The following SHB variants were observed in gnomAD, a reference collection of about 807,000 sequenced individuals.
SHB encodes the protein SH2 domain-containing adapter protein B.
In SHB, 20 loss-of-function variants were observed where a neutral mutation model predicts 52.3. The observed-to-expected ratio is 0.38, with a 90% CI of 0.27 to 0.56. The LOEUF is 0.56. Among genes scored for constraint, SHB ranks in the 20% least tolerant of loss-of-function variants. SHB has a pLI of 0.71. For missense variants in SHB, 825 were observed against 723.3 expected (o/e 1.14, Z -1.61); for synonymous variants, 397 against 316.5 (o/e 1.25, Z -2.70).
chr9:37,933,757 C>G (rs923606993), intron 5 of SHB, among the ~76,000 whole-genome samples: 1 of 152,210 alleles, frequency 6.6e-6, no homozygotes, highest in Non-Finnish European at 1.5e-5. Context: ...CATTCCCCAC[C>G]AAGACAACCC....
chr9:37,998,455 T>C (rs1251765433), intron 2 of SHB, among the ~76,000 whole-genome samples: 1 of 152,116 alleles, frequency 6.6e-6, no homozygotes, highest in Non-Finnish European at 1.5e-5. Context: ...AAAATCCTAT[T>C]TTGTTTATTT....
chr9:38,063,503 G>A (rs1029652783), intron 1 of SHB, among the ~76,000 whole-genome samples: 1 of 152,196 alleles, frequency 6.6e-6, no homozygotes, highest in Admixed American at 6.5e-5. Flanking sequence ...CCACTCCCCT[G>A]CCTTGGGAAT....
intron 1 of SHB, among the ~76,000 whole-genome samples, chr9:38,037,636 G>A (rs1383478945): frequency 6.6e-6 from 1 of 152,132 alleles, no homozygotes; most frequent in Non-Finnish European, 1.5e-5. Context: ...GCAACAGGAG[G>A]GGCTCAACTG....
chr9:37,930,787 T>A (rs978478362), intron 5 of SHB, among the ~76,000 whole-genome samples: 2 of 152,074 alleles, frequency 1.3e-5, no homozygotes, highest in African/African-American at 4.8e-5. Context: ...TGAGTAACCA[T>A]AAAAGACCCT....
rs777640224 is a variant in SHB at position 37,948,767 on chromosome 9, CAG to C, written c.1227-15_1227-14del. ...TCCGTGATACCATCTGTGGAGAGGGCAGAGAGTGGTCAGAGCCCAGCGCGATG... is the reference window on the plus strand; with the variant it reads ...TCCGTGATACCATCTGTGGAGAGGGCAGAGTGGTCAGAGCCCAGCGCGATG... On this transcript the variant is annotated splice_polypyrimidine_tract_variant and intron_variant, in intron 4 of 5. Transcript: ENST00000377707. 2 of 1,613,444 alleles carry C rather than the reference CAG, an allele frequency of 1.2e-6. No individual in the cohort carries two copies. The highest frequency in any genetic ancestry group is 1.7e-6 in the Non-Finnish European group (2 of 1,179,962).
intron 3 of SHB, among the ~76,000 whole-genome samples, chr9:37,969,389 G>T (rs935258118): frequency 6.6e-6 from 1 of 152,176 alleles, no homozygotes; most frequent in Non-Finnish European, 1.5e-5. Flanking sequence ...CCTCCCAGAG[G>T]GTGATTATGA....
chr9:37,986,028 G>A lies in SHB; in HGVS notation c.839-11191C>T, dbSNP rs150880146. 5.3e-5 allele frequency among the ~76,000 whole-genome samples: 8 copies of A among 152,316 alleles called. No individual in the cohort carries two copies. The East Asian group carries it at 5.8e-4, about 11-fold the overall frequency. On this transcript the variant is annotated intron_variant, in intron 2 of 5. Coordinates refer to ENST00000377707, the MANE Select transcript of SHB (RefSeq NM_003028.3). ...AGCCTAGTTCTGCCTGGCTCCCAGC[G>A]TCCTAGAGTGGTGTATGTACCAGCA...
At chr9:38,001,907 C>T (rs181082211) in intron 2 of SHB, among the ~76,000 whole-genome samples, 1 of 152,334 alleles carries the variant, frequency 6.6e-6, no homozygotes, top group East Asian at 1.9e-4. Context: ...GCATCCTCCC[C>T]ATGAGCTCCA....
intron 2 of SHB, chr9:38,015,571 G>A: frequency 1.5e-6 from 1 of 678,734 alleles, no homozygotes; most frequent in South Asian, 1.6e-5. Context: ...GTCTCTACTA[G>A]TAATCTGGCC....
chr9:38,055,502 T>C (rs934958753), intron 1 of SHB, among the ~76,000 whole-genome samples: 2 of 151,922 alleles, frequency 1.3e-5, no homozygotes, highest in African/African-American at 4.8e-5. Context: ...AAAATTTGAG[T>C]GACCAAAATC....
At position 38,068,981 on chromosome 9, in the gene SHB, T is replaced by C. The variant is rs1822019304; in HGVS notation, c.-336A>G. ...CGCGGACCCTTTGGCCGTACGCCCCTCGCCGTGGATCGCGCTCCTGCCCCG... is the reference window on the plus strand; with the variant it reads ...CGCGGACCCTTTGGCCGTACGCCCCCCGCCGTGGATCGCGCTCCTGCCCCG... On this transcript the variant is annotated 5_prime_UTR_variant, in exon 1 of 6. Transcript: ENST00000377707. 6.6e-6 allele frequency: 1 copy of C among 151,238 alleles called. No individual in the cohort carries two copies. Among genetic ancestry groups the C allele is most frequent in the Non-Finnish European group, 1.5e-5 (1 of 67,774 alleles). The allele number at this position is 151,238 out of a possible 1,614,324, so 9.4% of individuals were successfully genotyped here.
At chr9:38,019,921 G>T (rs545761743) in intron 1 of SHB, among the ~76,000 whole-genome samples, 9 of 152,308 alleles carry the variant, frequency 5.9e-5, no homozygotes, top group African/African-American at 2.2e-4. Flanking sequence ...CAGTTGCTCT[G>T]TGTGAGCTGG....
At chr9:37,924,289 A>G (rs1402548175) in intron 5 of SHB, among the ~76,000 whole-genome samples, 1 of 152,224 alleles carries the variant, frequency 6.6e-6, no homozygotes, top group African/African-American at 2.4e-5. Flanking sequence ...CTTGCAGCGC[A>G]ATCACGGGCT....
chr9:38,005,209 G>C (rs966984582), intron 2 of SHB, among the ~76,000 whole-genome samples: 6 of 152,240 alleles, frequency 3.9e-5, no homozygotes, highest in African/African-American at 1.4e-4. Context: ...CAAAAGTTGA[G>C]GCTTGGGCTT....
intron 3 of SHB, among the ~76,000 whole-genome samples, chr9:37,970,500 T>C (rs1408924634): frequency 1.3e-5 from 2 of 152,008 alleles, no homozygotes; most frequent in Admixed American, 6.5e-5. Context: ...TGGAGAATGC[T>C]GAGGCAGTGC....
intron 1 of SHB, among the ~76,000 whole-genome samples, chr9:38,019,565 T>A (rs1207554623): frequency 5.3e-5 from 8 of 152,258 alleles, no homozygotes; most frequent in African/African-American, 1.9e-4. Flanking sequence ...TATGGACTGG[T>A]CAGAGTTTTA....
Position 37,920,015 on chromosome 9 carries a change from AAC to A in SHB, c.1347-13_1347-12del, listed in dbSNP as rs1335724491. The A allele has an allele frequency of 4.3e-6, 7 of 1,611,638 alleles. No homozygotes were observed. Among genetic ancestry groups the A allele is most frequent in the South Asian group, 1.1e-5 (1 of 90,974 alleles). The stretch of plus-strand genomic sequence containing the variant: ...AAACCCTGGTTGCTCCTGTGAACAA[AAC>A]ACAGAGTTATCAGAACTACCCCCCT... On this transcript the variant is annotated splice_polypyrimidine_tract_variant and intron_variant, in intron 5 of 5. Transcript: ENST00000377707.
chr9:37,951,045 T>C lies in SHB; in HGVS notation c.1227-2291A>G, dbSNP rs76366935. 4.9e-3 allele frequency among the ~76,000 whole-genome samples: 750 copies of C among 152,306 alleles called. 13 individuals are homozygous for C. The highest frequency in any genetic ancestry group is 0.017 in the African/African-American group (719 of 41,556). ...ACCCAAACCACCCGTCCCCATGCAA[T>C]TCCTGCCACTCATGAGGCAGAGCTC... is the stretch of plus-strand genomic sequence containing the variant. On this transcript the variant is annotated intron_variant, in intron 4 of 5. Transcript: ENST00000377707.
intron 2 of SHB, among the ~76,000 whole-genome samples, chr9:37,978,504 C>T (rs776281867): frequency 3.3e-5 from 5 of 152,134 alleles, no homozygotes; most frequent in Non-Finnish European, 5.9e-5. Context: ...GATTATGTAG[C>T]GACATGGGAA....
Sources: gnomAD v4.1 joint callset for allele counts (sites outside exome capture counted in the v4.1 genomes callset) on GRCh38, gnomAD v4.1.1 for gene constraint, MANE v1.5 for transcripts, NCBI Gene and HGNC (gene_info 2026-07-23, HGNC 2026-07-21) for gene names.